XPO6: variants seen among roughly 807,000 people sequenced by gnomAD.
XPO6 encodes exportin-6.
Under a neutral mutation model 130.0 loss-of-function variants are expected in XPO6, and 3 were observed. The ratio of observed to expected loss-of-function variants is 0.02; its 90% CI spans 0.01 to 0.06. The LOEUF (loss-of-function observed/expected upper bound fraction) is 0.06, where lower values mean the gene tolerates loss of function less well. Among genes scored for constraint, XPO6 ranks in the 10% least tolerant of loss-of-function variants. The pLI is 1.00. For missense variants in XPO6, 970 were observed against 1,393.0 expected (o/e 0.70, Z 4.83); for synonymous variants, 524 against 548.9 (o/e 0.95, Z 0.63).
At chr16:28,113,712 C>A (rs1272048492) in intron 15 of XPO6, among the ~76,000 whole-genome samples, 2 of 152,212 alleles carry the variant, frequency 1.3e-5, no homozygotes, top group East Asian at 3.9e-4. Flanking sequence ...TACCTATAAC[C>A]TATAATACTT....
At chr16:28,154,418 G>T in intron 7 of XPO6, 1 of 488,306 alleles carries the variant, frequency 2.0e-6, no homozygotes, top group Non-Finnish European at 2.7e-6. Context: ...CCACCTTCTG[G>T]TACAGGTGCT....
intron 1 of XPO6, chr16:28,183,449 AC>A (rs1359815290): frequency 4.9e-5 from 6 of 122,706 alleles, no homozygotes; most frequent in South Asian, 2.7e-4. Flanking sequence ...AAAAAAAAAA[AC>A]CCAGATGCAT....
Position 28,156,288 on chromosome 16 carries a change from T to C in XPO6, c.883A>G (p.Ser295Gly). 2 of 1,614,096 alleles carry C rather than the reference T, an allele frequency of 1.2e-6. No homozygotes were observed. The highest frequency in any genetic ancestry group is 1.7e-6 in the Non-Finnish European group (2 of 1,180,010). ...RARKMASVNGSSQNCVSGQER... is the reference protein window; with the variant it reads ...RARKMASVNGGSQNCVSGQER... ...TGACCCGAGACACAGTTCTGGCTGC[T>C]GCCGTTAACTGACGCCATCTTTCTG... The change falls in exon 7 of 24, where the codon AGC becomes GGC. Residue 295 changes from serine (S) to glycine (G), a missense_variant. This residue lies in a region of XPO6 where 936 missense variants were observed against 1,306.8 expected (regional missense o/e 0.72). Coordinates refer to ENST00000304658, the MANE Select transcript of XPO6 (RefSeq NM_015171.4).
Position 28,133,869 on chromosome 16 carries a change from A to C in XPO6, c.1508T>G (p.Leu503Arg). 6.2e-7 allele frequency: 1 copy of C among 1,614,040 alleles called. No individual in the cohort carries two copies. Among genetic ancestry groups the C allele is most frequent in the African/African-American group, 1.3e-5 (1 of 75,000 alleles). ...SLEVVAKVME[L>R]LPTHAFSTLF... ...TGTGGAGAAGGCGTGCGTGGGCAGGAGCTCCATCACTTTGGCCACCACCTC... is the reference window on the plus strand; with the variant it reads ...TGTGGAGAAGGCGTGCGTGGGCAGGCGCTCCATCACTTTGGCCACCACCTC... Residue 503 changes from leucine (L) to arginine (R), a missense_variant, in exon 11 of 24, where the codon CTC (leucine) becomes CGC (arginine). Transcript: ENST00000304658.
intron 9 of XPO6, among the ~76,000 whole-genome samples, chr16:28,137,898 T>C (rs1278401153): frequency 6.6e-6 from 1 of 152,056 alleles, no homozygotes. Context: ...CCAGTGTCTG[T>C]TGTTGCCATC....
intron 6 of XPO6, among the ~76,000 whole-genome samples, chr16:28,157,448 T>C (rs550065855): frequency 6.6e-6 from 1 of 151,886 alleles, no homozygotes; most frequent in South Asian, 2.1e-4. Flanking sequence ...AGAGCGAAAC[T>C]CCATCTCAAA....
chr16:28,160,659 G>A (rs2043263573), intron 6 of XPO6, among the ~76,000 whole-genome samples: 1 of 152,102 alleles, frequency 6.6e-6, no homozygotes, highest in Non-Finnish European at 1.5e-5. Flanking sequence ...GTAAGATACT[G>A]GGTAAATGTT....
chr16:28,146,147 A>G lies in XPO6; in HGVS notation c.1281T>C (p.Tyr427=). ...CLDIWTLFLD[Y]LTSKIKSRLG... is the part of the protein sequence containing the mutation. Reference sequence around the variant, plus strand: ...GACGACTTTTAATTTTACTTGTCAGATAGTCCAAAAACAGCGTCCAGATAT... The same window carrying G: ...GACGACTTTTAATTTTACTTGTCAGGTAGTCCAAAAACAGCGTCCAGATAT... The change falls in exon 9 of 24, where the codon TAT becomes TAC. Residue 427 remains tyrosine, a synonymous_variant. Transcript: ENST00000304658. 1 of 1,614,156 alleles carries G rather than the reference A, an allele frequency of 6.2e-7. No individual in the cohort carries two copies. The highest frequency in any genetic ancestry group is 8.5e-7 in the Non-Finnish European group (1 of 1,180,008).
chr16:28,123,131 G>A (rs979525968), intron 13 of XPO6, among the ~76,000 whole-genome samples: 3 of 152,038 alleles, frequency 2.0e-5, no homozygotes, highest in South Asian at 2.1e-4. Flanking sequence ...TTGAGAAAGC[G>A]TCTTGCTCTG....
intron 2 of XPO6, among the ~76,000 whole-genome samples, chr16:28,180,091 G>A (rs891798785): frequency 1.3e-5 from 2 of 152,182 alleles, no homozygotes; most frequent in Non-Finnish European, 2.9e-5. Context: ...TAATGGCCAG[G>A]CACGGTGGCT....
intron 9 of XPO6, among the ~76,000 whole-genome samples, chr16:28,145,479 G>A (rs1203161759): frequency 6.6e-6 from 1 of 152,138 alleles, no homozygotes; most frequent in Non-Finnish European, 1.5e-5. Flanking sequence ...CGCATTCTCT[G>A]TTTTTTAAAA....
chr16:28,142,849 C>T (rs764607206), intron 9 of XPO6, among the ~76,000 whole-genome samples: 2 of 152,032 alleles, frequency 1.3e-5, no homozygotes, highest in Admixed American at 6.6e-5. Flanking sequence ...TGGAACTACA[C>T]GTGCACACTA....
chr16:28,141,504 T>C (rs2042890853), intron 9 of XPO6, among the ~76,000 whole-genome samples: 1 of 151,976 alleles, frequency 6.6e-6, no homozygotes, highest in Non-Finnish European at 1.5e-5. Flanking sequence ...GGCACAACCA[T>C]CCAAAAGCAC....
chr16:28,133,164 C>T (rs189283367), intron 11 of XPO6, among the ~76,000 whole-genome samples: 19 of 152,254 alleles, frequency 1.2e-4, no homozygotes, highest in Admixed American at 8.5e-4. Flanking sequence ...GGTGAAACCC[C>T]GTCTCCACTA....
At chr16:28,164,674 C>T (rs969961941) in intron 6 of XPO6, among the ~76,000 whole-genome samples, 8 of 152,128 alleles carry the variant, frequency 5.3e-5, no homozygotes, top group African/African-American at 1.4e-4. Context: ...TATTTTATTC[C>T]GCTTAGCCGC....
In XPO6 at chr16:28,106,953, C is replaced by T. The variant is rs2086797714; in HGVS notation, c.2498-456G>A. 6.6e-6 allele frequency among the ~76,000 whole-genome samples: 1 copy of T among 152,154 alleles called. No homozygotes were observed. Among genetic ancestry groups the T allele is most frequent in the African/African-American group, 2.4e-5 (1 of 41,436 alleles). On this transcript the variant is annotated intron_variant, in intron 18 of 23. Transcript: ENST00000304658. This position sits in a 1 kb window ranked among gnomAD's most constrained non-coding sequence, Gnocchi z 4.2. ...TGTATTTAGGTTGCATGGCCCTGGT[C>T]CATTAAATGGATTAATTGCAGAAAA... is the stretch of plus-strand genomic sequence containing the variant.
intron 1 of XPO6, among the ~76,000 whole-genome samples, chr16:28,185,193 TAAC>T (rs1172992326): frequency 6.6e-6 from 1 of 152,046 alleles, no homozygotes; most frequent in East Asian, 1.9e-4. Context: ...ATATTAATTT[TAAC>T]AACAACAACA....
intron 17 of XPO6, among the ~76,000 whole-genome samples, chr16:28,109,856 A>AT (rs1478367491): frequency 1.3e-5 from 2 of 152,250 alleles, no homozygotes; most frequent in African/African-American, 2.4e-5. Context: ...ATCTTGTTCT[A>AT]TATAGATACA....
At chr16:28,144,905 T>C (rs1255455748) in intron 9 of XPO6, among the ~76,000 whole-genome samples, 5 of 152,138 alleles carry the variant, frequency 3.3e-5, no homozygotes, top group Admixed American at 1.3e-4. Context: ...GATCCAAACA[T>C]AGGTCTGTGC....
Sources: gnomAD v4.1 joint callset for allele counts (sites outside exome capture counted in the v4.1 genomes callset) on GRCh38, gnomAD v4.1.1 for gene constraint, gnomAD v4.1.1 regional missense constraint, Gnocchi (gnomAD v3.1) non-coding constraint, MANE v1.5 for transcripts, NCBI Gene and HGNC (gene_info 2026-07-23, HGNC 2026-07-21) for gene names.